RFLNA: variants seen among roughly 807,000 people sequenced by gnomAD.
The protein encoded by RFLNA is refilin A.
Under a neutral mutation model 7.8 loss-of-function variants are expected in RFLNA, and 5 were observed. That is an observed-to-expected ratio of 0.64 (90% CI 0.34 to 1.35). The LOEUF is 1.35. Among genes scored for constraint, RFLNA ranks in the 40% most tolerant of loss-of-function variants. The pLI is 0.04. For synonymous variants in RFLNA, 141 were observed against 131.3 expected (o/e 1.07, Z -0.50); for missense variants, 278 against 305.5 (o/e 0.91, Z 0.67).
At chr12:124,295,760 G>T in intron 1 of RFLNA, 124 bp downstream of exon 1, 1 of 1,015,810 alleles carries the variant, frequency 9.8e-7, no homozygotes, top group Non-Finnish European at 1.3e-6. Context: ...CCGCAACCAC[G>T]AAGGTGGCCA....
In RFLNA at chr12:124,315,989, ATTGAT is replaced by A. The variant is rs2135698990; in HGVS notation, c.*1466_*1470del. On this transcript the variant is annotated 3_prime_UTR_variant, in exon 3 of 3. Transcript: ENST00000546355. ...GGTTAACAAAGGAATAACTTAAGAA[ATTGAT>A]TGATTATCTTAATAAACTGTGCAAA... The A allele has an allele frequency of 6.6e-6, 1 of 152,352 alleles. No homozygotes were observed. Among genetic ancestry groups the A allele is most frequent in the South Asian group, 2.1e-4 (1 of 4,832 alleles). 9.4% of individuals were successfully genotyped at this position (152,352 alleles called of 1,614,324 possible).
intron 1 of RFLNA, among the ~76,000 whole-genome samples, chr12:124,300,150 GA>G (rs568824360): frequency 5.4e-4 from 82 of 152,338 alleles, no homozygotes; most frequent in African/African-American, 1.7e-3. Flanking sequence ...GGCAGGTGGT[GA>G]CAGATCTGAG....
intron 1 of RFLNA, among the ~76,000 whole-genome samples, chr12:124,296,138 C>T (rs1481073519): frequency 0.024 from 25 of 1,026 alleles, 2 homozygotes; most frequent in East Asian, 0.14. Flanking sequence ...CTCTCTCTCT[C>T]TTCTTCTCTT....
In RFLNA at chr12:124,314,670, G is replaced by A. The variant is rs904058474; in HGVS notation, c.*145G>A. On this transcript the variant is annotated 3_prime_UTR_variant, in exon 3 of 3. Coordinates refer to ENST00000546355, the MANE Select transcript of RFLNA (RefSeq NM_001365156.1). ...ACCAAGGACCCGTGTGGAAGGAGGC[G>A]GCTCCCCGCTGCCTGCCCTGACCTA... 1.8e-5 allele frequency: 25 copies of A among 1,352,036 alleles called. No individual in the cohort carries two copies. Among genetic ancestry groups the A allele is most frequent in the African/African-American group, 1.7e-4 (12 of 69,556 alleles). The allele number at this position is 1,352,036 out of a possible 1,614,324, so 83.8% of individuals were successfully genotyped here. A position where few individuals can be genotyped will look rare whatever the true frequency, so the allele number is the denominator to read the frequency against.
At chr12:124,300,933 TGGATGGATGGAA>T (rs1456797589) in intron 1 of RFLNA, among the ~76,000 whole-genome samples, 21 of 150,616 alleles carry the variant, frequency 1.4e-4, no homozygotes, top group Non-Finnish European at 1.0e-4. Context: ...GATGGATGGA[TGGATGGATGGAA>T]GGATGGATGG....
chr12:124,297,497 A>G (rs980569134), intron 1 of RFLNA, among the ~76,000 whole-genome samples: 10 of 152,082 alleles, frequency 6.6e-5, no homozygotes, highest in African/African-American at 1.2e-4. Context: ...CTATATTCCC[A>G]TGAAGCCTAC....
intron 2 of RFLNA, among the ~76,000 whole-genome samples, chr12:124,313,862 C>T (rs1325904499): frequency 6.6e-6 from 1 of 152,178 alleles, no homozygotes; most frequent in Non-Finnish European, 1.5e-5. Context: ...CAGGGAAGTG[C>T]ACACGGTGAC....
upstream of RFLNA, among the ~76,000 whole-genome samples, chr12:124,292,142 C>T (rs1430962251): frequency 1.3e-5 from 2 of 152,190 alleles, no homozygotes; most frequent in African/African-American, 4.8e-5. Context: ...ATGTGAGGAA[C>T]TTTGGAAGCG....
At position 124,306,640 on chromosome 12, in the gene RFLNA, C is replaced by T. The variant is rs1027237957; in HGVS notation, c.208-5178C>T. On this transcript the variant is annotated intron_variant, in intron 1 of 2. Transcript: ENST00000546355. This position sits in a 1 kb window ranked among gnomAD's most constrained non-coding sequence, Gnocchi z 5.2. ...CAAATGACTTAGCCACTCTGGGCCT[C>T]GGTTTCCACATGTGGAAAATGGGGG... Among the ~76,000 whole-genome samples the T allele has an allele frequency of 5.9e-5, 9 of 152,274 alleles. 1 individual carries two copies. The South Asian group carries it at 8.3e-4, about 14-fold the overall frequency.
At chr12:124,300,889 TAGAA>T (rs1380483667) in intron 1 of RFLNA, among the ~76,000 whole-genome samples, 2 of 146,414 alleles carry the variant, frequency 1.4e-5, no homozygotes, top group African/African-American at 2.6e-5. Flanking sequence ...GATGGGCAAA[TAGAA>T]GGATGGATGG....
In RFLNA at chr12:124,311,841, C is replaced by T. The variant is rs1193222490; in HGVS notation, c.231C>T (p.Pro77=). The T allele has an allele frequency of 6.3e-7, 1 of 1,598,952 alleles. No individual in the cohort carries two copies. Among genetic ancestry groups the T allele is most frequent in the Non-Finnish European group, 8.5e-7 (1 of 1,173,406 alleles). ...AGCCCCCCTCCCAACTCCCAAATCC[C>T]CCGGCGTCGGAGATGAGGCCCCGGA... The part of the protein sequence containing the change: ...ARAPPSQLPN[P]PASEMRPRML... The change falls in exon 2 of 3, where the codon CCC becomes CCT. Residue 77 remains proline, a synonymous_variant. Transcript: ENST00000546355.
chr12:124,312,025 TG>T (rs1460094844), intron 2 of RFLNA, 98 bp downstream of exon 2: 40 of 1,367,176 alleles, frequency 2.9e-5, no homozygotes, highest in Non-Finnish European at 3.5e-5. Context: ...TAGGCCAAGC[TG>T]GGGGCTCAGG....
At chr12:124,291,825 G>A (rs189931292), upstream of RFLNA, among the ~76,000 whole-genome samples, 569 of 152,216 alleles carry the variant, frequency 3.7e-3, 1 homozygote, top group Middle Eastern at 0.01. Context: ...AGTGCTTGGG[G>A]AGCCCTGGGC....
chr12:124,302,374 G>A (rs1489855058), intron 1 of RFLNA, among the ~76,000 whole-genome samples: 2 of 152,162 alleles, frequency 1.3e-5, no homozygotes, highest in Non-Finnish European at 2.9e-5. Flanking sequence ...TCTGCCTTGG[G>A]TGTCAGATCC....
chr12:124,312,174 A>G (rs1254024198), intron 2 of RFLNA, among the ~76,000 whole-genome samples: 1 of 152,126 alleles, frequency 6.6e-6, no homozygotes, highest in African/African-American at 2.4e-5. Flanking sequence ...CCCCCACCCC[A>G]GGTCTATTCA....
chr12:124,296,622 G>A (rs1003693454), intron 1 of RFLNA, among the ~76,000 whole-genome samples: 1 of 152,178 alleles, frequency 6.6e-6, no homozygotes, highest in Non-Finnish European at 1.5e-5. Flanking sequence ...CCTCCCCGCC[G>A]CTGAAAATCC....
rs1593043017 is a variant in RFLNA, at chr12:124,314,993, A to G, written c.*468A>G. The stretch of plus-strand genomic sequence containing the variant: ...AGGCCATGTGTGAGGGAAGAGGGGT[A>G]CCTCTCTTCCCTGCTGCTGGCCTGG... On this transcript the variant is annotated 3_prime_UTR_variant, in exon 3 of 3. Transcript: ENST00000546355. The G allele has an allele frequency of 3.5e-6, 1 of 289,258 alleles. No homozygotes were observed. Among genetic ancestry groups the G allele is most frequent in the South Asian group, 3.5e-5 (1 of 28,970 alleles). 17.9% of individuals were successfully genotyped at this position (289,258 alleles called of 1,614,324 possible).
Position 124,301,551 on chromosome 12 carries a change from G to A in RFLNA, c.207+5915G>A, listed in dbSNP as rs148244000. Among the ~76,000 whole-genome samples the A allele has an allele frequency of 1.5e-3, 236 of 152,306 alleles. 3 individuals are homozygous for A. Among genetic ancestry groups the A allele is most frequent in the Admixed American group, 6.5e-3 (100 of 15,310 alleles). ...TGTGGACACTCCTGGTGTGCCATCTGTATCTTAGGATGCACAGGAATCCAG... is the reference window on the plus strand; with the variant it reads ...TGTGGACACTCCTGGTGTGCCATCTATATCTTAGGATGCACAGGAATCCAG... On this transcript the variant is annotated intron_variant, in intron 1 of 2. Transcript: ENST00000546355.
At chr12:124,294,637 C>T (rs945565309), upstream of RFLNA, among the ~76,000 whole-genome samples, 1 of 152,226 alleles carries the variant, frequency 6.6e-6, no homozygotes, top group Non-Finnish European at 1.5e-5. Flanking sequence ...TGCTTTCCAC[C>T]CTTAAGGCCC....
Sources: allele counts gnomAD v4.1 joint callset (sites outside exome capture counted in the v4.1 genomes callset), GRCh38; gene constraint gnomAD v4.1.1; non-coding constraint Gnocchi (gnomAD v3.1); transcripts MANE v1.5; gene names NCBI Gene and HGNC (gene_info 2026-07-23, HGNC 2026-07-21).